Variants in EFCAB5 observed in about 807,000 individuals in gnomAD.
EFCAB5 encodes EF-hand calcium-binding domain-containing protein 5.
In EFCAB5, 131 loss-of-function variants were observed where a neutral mutation model predicts 167.9. The ratio of observed to expected loss-of-function variants is 0.78; its 90% CI spans 0.68 to 0.90. EFCAB5 has a LOEUF of 0.90. EFCAB5 is among the 40% of genes least tolerant of loss of function. The probability of loss-of-function intolerance (pLI) is 0.00; values close to 1 mark genes in which losing one functional copy is unlikely to be tolerated. For missense variants in EFCAB5, 1,663 were observed against 1,745.2 expected (o/e 0.95, Z 0.84); for synonymous variants, 574 against 602.8 (o/e 0.95, Z 0.70).
intron 1 of EFCAB5, among the ~76,000 whole-genome samples, chr17:29,933,297 G>A (rs2067217895): frequency 6.6e-6 from 1 of 152,198 alleles, no homozygotes; most frequent in Non-Finnish European, 1.5e-5. Context: ...TATGATATTG[G>A]CTTTCAGGCT....
upstream of EFCAB5, among the ~76,000 whole-genome samples, chr17:29,941,177 A>G (rs1043749066): frequency 5.3e-5 from 8 of 152,152 alleles, no homozygotes; most frequent in African/African-American, 1.9e-4. Flanking sequence ...CACCTAGCTC[A>G]TATATATACA....
chr17:30,001,310 G>A, intron 7 of EFCAB5, among the ~76,000 whole-genome samples: 1 of 152,032 alleles, frequency 6.6e-6, no homozygotes. Flanking sequence ...ATACACAGAG[G>A]AACAAATGAT....
chr17:30,095,285 G>T (rs1183433780), intron 22 of EFCAB5, among the ~76,000 whole-genome samples: 1 of 152,094 alleles, frequency 6.6e-6, no homozygotes, highest in Non-Finnish European at 1.5e-5. Flanking sequence ...GTCTTGGCAG[G>T]AGTGCCCCCG....
intron 12 of EFCAB5, among the ~76,000 whole-genome samples, 200 bp downstream of exon 12, chr17:30,056,356 T>C (rs1256990098): frequency 1.3e-5 from 2 of 152,234 alleles, no homozygotes; most frequent in African/African-American, 2.4e-5. Flanking sequence ...GATGGTGGCA[T>C]GTGCTATTGA....
At chr17:29,964,467 G>A (rs2067786009) in intron 3 of EFCAB5, among the ~76,000 whole-genome samples, 1 of 151,816 alleles carries the variant, frequency 6.6e-6, no homozygotes, top group Non-Finnish European at 1.5e-5. Flanking sequence ...GCTAATTTTT[G>A]TAATTTTAGT....
chr17:30,047,968 T>TA (rs1264156486), intron 8 of EFCAB5, among the ~76,000 whole-genome samples: 1 of 152,198 alleles, frequency 6.6e-6, no homozygotes, highest in Non-Finnish European at 1.5e-5. Context: ...TCAAAGGGCC[T>TA]GTAGCCATTT....
chr17:30,090,522 C>A lies in EFCAB5; in HGVS notation c.3785C>A (p.Ala1262Asp). ...VVPLRERTGE[A>D]LGVLDFNIGQ... ...CCACTTCGTGAGAGAACAGGAGAGG[C>A]TCTGGGAGTCCTCGATTTTAACATC... The change falls in exon 20 of 23, where the codon GCT becomes GAT. Residue 1262 changes from alanine (A) to aspartate (D), a missense_variant. Physicochemically the swap from Ala to Asp is moderately radical, Grantham distance 126 (BLOSUM62 -2). Transcript: ENST00000394835. 6.2e-7 allele frequency: 1 copy of A among 1,613,968 alleles called. No individual in the cohort carries two copies. Among genetic ancestry groups the A allele is most frequent in the Non-Finnish European group, 8.5e-7 (1 of 1,179,886 alleles).
At chr17:29,974,665 T>C (rs1039454259) in intron 4 of EFCAB5, among the ~76,000 whole-genome samples, 1 of 152,130 alleles carries the variant, frequency 6.6e-6, no homozygotes, top group African/African-American at 2.4e-5. Context: ...TAACCATGAC[T>C]CAAGATCATG....
chr17:30,092,622 C>T (rs1357786790), intron 21 of EFCAB5, among the ~76,000 whole-genome samples: 4 of 152,186 alleles, frequency 2.6e-5, no homozygotes, highest in Admixed American at 2.6e-4. Flanking sequence ...CTCCTGACCT[C>T]AGGTGGTCCT....
intron 17 of EFCAB5, among the ~76,000 whole-genome samples, chr17:30,082,265 AT>A (rs1472798351): frequency 6.6e-6 from 1 of 151,410 alleles, no homozygotes; most frequent in Non-Finnish European, 1.5e-5. Context: ...GCTTTTTAAC[AT>A]TTTTTTCTCA....
intron 14 of EFCAB5, among the ~76,000 whole-genome samples, chr17:30,071,531 A>G (rs1183315286): frequency 9.9e-5 from 15 of 151,832 alleles, no homozygotes; most frequent in Admixed American, 5.9e-4. Context: ...ACAAAGGGAA[A>G]CTCTTATACC....
chr17:29,942,298 A>C lies in EFCAB5; in HGVS notation c.101A>C (p.His34Pro). 6.3e-7 allele frequency: 1 copy of C among 1,587,508 alleles called. No homozygotes were observed. Residue 34 changes from histidine to proline, a missense_variant, in exon 2 of 23, where the codon CAT becomes CCT. Coordinates refer to ENST00000394835, the MANE Select transcript of EFCAB5 (RefSeq NM_198529.4). ...KWNLTEVKEL[H>P]ETLQSVPDVP... is the part of the protein sequence containing the mutation. Reference sequence around the variant, plus strand: ...AACTTAACTGAAGTGAAAGAGCTTCATGAGGTAGAGTTGGCATGAATAAAT... The same window carrying C: ...AACTTAACTGAAGTGAAAGAGCTTCCTGAGGTAGAGTTGGCATGAATAAAT...
At chr17:29,955,849 C>T (rs970010902) in intron 3 of EFCAB5, among the ~76,000 whole-genome samples, 2 of 151,898 alleles carry the variant, frequency 1.3e-5, no homozygotes, top group Non-Finnish European at 2.9e-5. Flanking sequence ...AAAAACAGCT[C>T]GAGTAGCCAA....
At chr17:30,053,169 A>T in intron 9 of EFCAB5, 86 bp from the exon 10 acceptor site, 1 of 1,445,136 alleles carries the variant, frequency 6.9e-7, no homozygotes, top group Non-Finnish European at 9.3e-7. Context: ...TTCTGTGCTC[A>T]ATGCTTTTCT....
rs368505445 is a variant in EFCAB5, at chr17:30,087,156, T to C, written c.3673T>C (p.Cys1225Arg). Reference protein sequence around the residue: ...KNPPTIHRKSCIFRDFLFKCT... With the variant: ...KNPPTIHRKSRIFRDFLFKCT... The stretch of plus-strand genomic sequence containing the variant: ...TCCTCCTACCATCCACAGGAAGTCA[T>C]GCATCTTCAGGTTAGAGACATGTCT... The change falls in exon 19 of 23, where the codon TGC becomes CGC. Residue 1225 changes from cysteine to arginine, a missense_variant. Cys to Arg is a radical substitution (Grantham distance 180). Transcript: ENST00000394835. 1 of 1,613,644 alleles carries C rather than the reference T, an allele frequency of 6.2e-7. No homozygotes were observed. The highest frequency in any genetic ancestry group is 1.1e-5 in the South Asian group (1 of 91,076).
chr17:30,069,610 C>G, intron 14 of EFCAB5: 4 of 1,612,910 alleles, frequency 2.5e-6, no homozygotes, highest in Non-Finnish European at 3.4e-6. Context: ...TCTCCTTGCT[C>G]TTCCTCGACT....
intron 7 of EFCAB5, among the ~76,000 whole-genome samples, chr17:30,027,291 G>C (rs1020777778): frequency 1.7e-5 from 2 of 118,116 alleles, no homozygotes; most frequent in African/African-American, 3.2e-5. Context: ...AGCCACACCA[G>C]TCTTTTTTTT....
At chr17:29,984,520 C>T (rs1046874454) in intron 4 of EFCAB5, among the ~76,000 whole-genome samples, 1 of 151,958 alleles carries the variant, frequency 6.6e-6, no homozygotes, top group Non-Finnish European at 1.5e-5. Flanking sequence ...GAGATTGAGA[C>T]CAGCCTGGCC....
At chr17:30,093,013 G>C in intron 22 of EFCAB5, 77 bp downstream of exon 22, 1 of 1,121,804 alleles carries the variant, frequency 8.9e-7, no homozygotes, top group Non-Finnish European at 1.3e-6. Flanking sequence ...TTAGGATAAA[G>C]CAAGTGGGTC....
Sources: gnomAD v4.1 joint callset for allele counts (sites outside exome capture counted in the v4.1 genomes callset) on GRCh38, gnomAD v4.1.1 for gene constraint, MANE v1.5 for transcripts, NCBI Gene and HGNC (gene_info 2026-07-23, HGNC 2026-07-21) for gene names.